The following PTCSC3 variants were observed in gnomAD, a reference collection of about 807,000 sequenced individuals.
PTCSC3 encodes the protein papillary thyroid carcinoma susceptibility candidate 3.
At chr14:36,140,111 C>T (rs550010395) in intron 3 of PTCSC3, among the ~76,000 whole-genome samples, 37 of 152,156 alleles carry the variant, frequency 2.4e-4, no homozygotes, top group Non-Finnish European at 4.0e-4. Context: ...AGACTGGAAT[C>T]TTTCACTTTG....
chr14:36,176,070 C>T (rs966480626), intron 1 of PTCSC3, among the ~76,000 whole-genome samples: 6 of 152,048 alleles, frequency 3.9e-5, no homozygotes, highest in Non-Finnish European at 7.4e-5. Flanking sequence ...GTTAAGAAAA[C>T]GATACAAATA....
chr14:36,163,752 C>T (rs974034312), intron 1 of PTCSC3, among the ~76,000 whole-genome samples: 4 of 152,128 alleles, frequency 2.6e-5, no homozygotes, highest in East Asian at 1.9e-4. Flanking sequence ...TAGAACGGCA[C>T]GAATCCTCCT....
At chr14:36,147,442 C>T (rs988770239) in intron 3 of PTCSC3, among the ~76,000 whole-genome samples, 2 of 152,144 alleles carry the variant, frequency 1.3e-5, no homozygotes, top group African/African-American at 4.8e-5. Flanking sequence ...CCCTTTCTTC[C>T]AGTTGATCGC....
intron 2 of PTCSC3, among the ~76,000 whole-genome samples, chr14:36,154,978 T>C (rs533834582): frequency 1.1e-3 from 167 of 152,318 alleles, no homozygotes; most frequent in Admixed American, 1.5e-3. Context: ...CTTTATATCA[T>C]ATAAATGAGA....
chr14:36,165,160 C>G (rs1046798945), intron 1 of PTCSC3: 9 of 152,226 alleles, frequency 5.9e-5, no homozygotes, highest in Non-Finnish European at 1.2e-4. Flanking sequence ...CATTTTTGCC[C>G]TCTCCCCACG....
In PTCSC3 at chr14:36,152,244, A is replaced by G. The variant is rs1158451707; in HGVS notation, n.322+1560T>C. Among the ~76,000 whole-genome samples, 7 of 152,328 alleles carry G rather than the reference A, an allele frequency of 4.6e-5. No homozygotes were observed. In the South Asian group the frequency reaches 1.4e-3, roughly 32 times the overall value. ...AGGTAAAAAAATGCTAAAGAAAAAAATGAATAAATTGGACTTTATTAAAAT... is the reference window on the plus strand; with the variant it reads ...AGGTAAAAAAATGCTAAAGAAAAAAGTGAATAAATTGGACTTTATTAAAAT... On this transcript the variant is annotated intron_variant and non_coding_transcript_variant, in intron 3 of 3. Coordinates refer to ENST00000556013, the Ensembl canonical transcript of PTCSC3.
chr14:36,170,489 G>GTTCT (rs1394279552), intron 1 of PTCSC3, among the ~76,000 whole-genome samples: 1 of 151,978 alleles, frequency 6.6e-6, no homozygotes, highest in Non-Finnish European at 1.5e-5. Flanking sequence ...TTTTTCACAT[G>GTTCT]TTCTTTATAT....
rs73253475 is a variant in PTCSC3, at chr14:36,173,005, C to T, written n.171+3293G>A. On this transcript the variant is annotated intron_variant and non_coding_transcript_variant, in intron 1 of 3. Transcript: ENST00000556013. ...AAGTAGTTCTTAGGTTCTCACCTAT[C>T]TTTTTCTGCCAGAATAGAAAAAATT... is the stretch of plus-strand genomic sequence containing the variant. 5.4e-3 allele frequency among the ~76,000 whole-genome samples: 816 copies of T among 151,966 alleles called. 4 individuals carry two copies. The highest frequency in any genetic ancestry group is 0.019 in the African/African-American group (773 of 41,464).
At chr14:36,166,898 A>G (rs1229840660) in intron 1 of PTCSC3, among the ~76,000 whole-genome samples, 1 of 152,212 alleles carries the variant, frequency 6.6e-6, no homozygotes, top group African/African-American at 2.4e-5. Flanking sequence ...AGTTCTCCTA[A>G]TAGAGTTCTT....
intron 1 of PTCSC3, among the ~76,000 whole-genome samples, chr14:36,170,649 G>A (rs898439813): frequency 6.6e-6 from 1 of 152,120 alleles, no homozygotes; most frequent in Non-Finnish European, 1.5e-5. Context: ...TCAGCAACCT[G>A]TACCATACTT....
At chr14:36,153,552 T>G (rs929418488) in intron 3 of PTCSC3, among the ~76,000 whole-genome samples, 1 of 152,178 alleles carries the variant, frequency 6.6e-6, no homozygotes, top group Non-Finnish European at 1.5e-5. Context: ...TTTGGAACAT[T>G]CTTTGGCAGT....
chr14:36,159,040 T>C (rs1269622515), intron 2 of PTCSC3, among the ~76,000 whole-genome samples: 6 of 143,148 alleles, frequency 4.2e-5, no homozygotes, highest in South Asian at 2.2e-4. Context: ...TTTATTTGCA[T>C]AGAGGTGTTT....
chr14:36,171,494 T>C (rs1882192317), intron 1 of PTCSC3, among the ~76,000 whole-genome samples: 1 of 152,202 alleles, frequency 6.6e-6, no homozygotes, highest in Non-Finnish European at 1.5e-5. Context: ...ACATCATTAT[T>C]GTTCTTCTCA....
At chr14:36,141,506 C>A (rs1388949127) in intron 3 of PTCSC3, among the ~76,000 whole-genome samples, 1 of 151,980 alleles carries the variant, frequency 6.6e-6, no homozygotes, top group Non-Finnish European at 1.5e-5. Context: ...GCACATGCCA[C>A]CACGCCCAGC....
chr14:36,134,907 G>A (rs1046070818), downstream of PTCSC3, among the ~76,000 whole-genome samples: 10 of 152,160 alleles, frequency 6.6e-5, no homozygotes, highest in Non-Finnish European at 1.2e-4. Flanking sequence ...GCAGGGCATC[G>A]TTTATTGAAC....
intron 3 of PTCSC3, among the ~76,000 whole-genome samples, chr14:36,149,000 T>C (rs760957421): frequency 1.3e-5 from 2 of 152,024 alleles, no homozygotes; most frequent in Non-Finnish European, 2.9e-5. Flanking sequence ...ATTTTGTTAA[T>C]TTCCACTCTA....
chr14:36,175,341 C>A (rs1287456896), intron 1 of PTCSC3, among the ~76,000 whole-genome samples: 1 of 152,242 alleles, frequency 6.6e-6, no homozygotes, highest in African/African-American at 2.4e-5. Flanking sequence ...GGATGCTTCA[C>A]ATATTCTGTC....
intron 3 of PTCSC3, among the ~76,000 whole-genome samples, chr14:36,138,125 G>C (rs780087423): frequency 6.6e-6 from 1 of 152,112 alleles, no homozygotes; most frequent in Non-Finnish European, 1.5e-5. Context: ...TTCAAATGGA[G>C]AAAAGGACAG....
At chr14:36,170,001 A>T (rs1400978654) in intron 1 of PTCSC3, among the ~76,000 whole-genome samples, 1 of 152,126 alleles carries the variant, frequency 6.6e-6, no homozygotes, top group Non-Finnish European at 1.5e-5. Flanking sequence ...CTGTGTCTGG[A>T]AATAACCATG....
Sources: gnomAD v4.1 joint callset for allele counts (sites outside exome capture counted in the v4.1 genomes callset) on GRCh38, gnomAD v4.1.1 for gene constraint, MANE v1.5 for transcripts, NCBI Gene and HGNC (gene_info 2026-07-23, HGNC 2026-07-21) for gene names.